Variants in NHSL1 observed in about 807,000 individuals in gnomAD.
NHSL1 encodes the protein NHS like 1.
In NHSL1, 48 loss-of-function variants were observed where a neutral mutation model predicts 95.0. The ratio of observed to expected loss-of-function variants is 0.51; its 90% confidence interval spans 0.40 to 0.64. The LOEUF is 0.64. Ranked by LOEUF, NHSL1 falls within the 30% of genes least tolerant of loss-of-function variation. The probability of loss-of-function intolerance (pLI) is 0.00; values close to 1 mark genes in which losing one functional copy is unlikely to be tolerated. For synonymous variants in NHSL1, 783 were observed against 833.9 expected (o/e 0.94, Z 1.05); for missense variants, 1,971 against 2,077.7 (o/e 0.95, Z 1.00).
intron 1 of NHSL1, among the ~76,000 whole-genome samples, chr6:138,515,446 G>A (rs769081877): frequency 2.0e-5 from 3 of 152,142 alleles, no homozygotes; most frequent in Non-Finnish European, 2.9e-5. Context: ...AGCCTTCTCT[G>A]ACTTTTTAGT....
At chr6:138,672,473 T>A (rs9495199) in intron 1 of NHSL1, among the ~76,000 whole-genome samples, 12,858 of 151,594 alleles carry the variant, frequency 0.085, 682 homozygotes, top group African/African-American at 0.15. Context: ...CAGGAAAAAA[T>A]TTTTTAAAAA....
In NHSL1 at chr6:138,430,581, G is replaced by C. The variant is rs539381043; in HGVS notation, c.3764C>G (p.Ala1255Gly). The change falls in exon 6 of 8, where the codon GCC (alanine) becomes GGC (glycine). Residue 1255 changes from alanine (A) to glycine (G), a missense_variant. This residue lies in a region of NHSL1 where 1,602 missense variants were observed against 1,654.5 expected (regional missense o/e 0.97). Transcript: ENST00000343505. The surrounding 1 kb of genome is among the most constrained non-coding windows in gnomAD (Gnocchi z 4.7). ...ESSAAQAGSH[A>G]THPGTSVLEG... ...AAGAACCGAGGTGCCAGGGTGCGTG[G>C]CATGAGAGCCAGCTTGGGCTGCAGA... The C allele has an allele frequency of 6.4e-7, 1 of 1,550,510 alleles. No homozygotes were observed. Among genetic ancestry groups the C allele is most frequent in the South Asian group, 1.2e-5 (1 of 84,008 alleles).
At chr6:138,569,226 G>A (rs148181737) in intron 1 of NHSL1, among the ~76,000 whole-genome samples, 120 of 151,926 alleles carry the variant, frequency 7.9e-4, no homozygotes, top group African/African-American at 2.8e-3. Flanking sequence ...AGCTGTCACT[G>A]CATGATGGTT....
At chr6:138,552,216 C>CA (rs1783033399) in intron 1 of NHSL1, among the ~76,000 whole-genome samples, 1 of 152,130 alleles carries the variant, frequency 6.6e-6, no homozygotes, top group Admixed American at 6.5e-5. Context: ...GTCAGGAGAT[C>CA]AAGACAATCC....
chr6:138,660,674 G>A (rs1785215668), intron 1 of NHSL1, among the ~76,000 whole-genome samples: 1 of 151,584 alleles, frequency 6.6e-6, no homozygotes, highest in Non-Finnish European at 1.5e-5. Context: ...ACCACCACCA[G>A]GCTGGGCATG....
At chr6:138,442,556 A>G (rs999241109) in intron 4 of NHSL1, among the ~76,000 whole-genome samples, 1 of 152,234 alleles carries the variant, frequency 6.6e-6, no homozygotes, top group Non-Finnish European at 1.5e-5. Context: ...GTGTGATGAA[A>G]TAAGTAACTT....
chr6:138,526,609 C>A (rs977281776), intron 1 of NHSL1, among the ~76,000 whole-genome samples: 2 of 152,186 alleles, frequency 1.3e-5, no homozygotes, highest in African/African-American at 4.8e-5. Flanking sequence ...AAACAAACTC[C>A]AGTGGGTTTG....
intron 1 of NHSL1, among the ~76,000 whole-genome samples, chr6:138,619,555 T>C (rs79200561): frequency 7.6e-4 from 116 of 152,282 alleles, no homozygotes; most frequent in Middle Eastern, 3.4e-3. Context: ...CTGCTAAAGA[T>C]ACCCACAATA....
At chr6:138,686,758 T>C (rs562910751) in intron 1 of NHSL1, among the ~76,000 whole-genome samples, 2 of 152,312 alleles carry the variant, frequency 1.3e-5, no homozygotes, top group Non-Finnish European at 2.9e-5. Flanking sequence ...CCTAATCCAA[T>C]GAGCTTTCTA....
intron 3 of NHSL1, among the ~76,000 whole-genome samples, chr6:138,466,205 AATTTTTTTTGT>A (rs2128239954): frequency 6.6e-6 from 1 of 151,720 alleles, no homozygotes; most frequent in African/African-American, 2.4e-5. Flanking sequence ...ATGCCCAGCC[AATTTTTTTTGT>A]ATTTTTAGTA....
At chr6:138,425,249 G>A (rs116916735) in intron 7 of NHSL1, among the ~76,000 whole-genome samples, 18,183 of 151,926 alleles carry the variant, frequency 0.12, 1,722 homozygotes, top group African/African-American at 0.27. Flanking sequence ...CTGCCACCAT[G>A]CCCAGCCCAG....
intron 1 of NHSL1, among the ~76,000 whole-genome samples, chr6:138,603,433 C>T (rs1784395575): frequency 6.6e-6 from 1 of 152,114 alleles, no homozygotes; most frequent in Non-Finnish European, 1.5e-5. Context: ...GTTTCCCATG[C>T]ATTCCTGGGT....
At chr6:138,610,434 A>C (rs555765618) in intron 1 of NHSL1, among the ~76,000 whole-genome samples, 61 of 151,906 alleles carry the variant, frequency 4.0e-4, no homozygotes, top group Non-Finnish European at 7.9e-4. Context: ...AGATATACCT[A>C]ATGTAAATGA....
At chr6:138,473,907 T>C (rs1017564050) in intron 2 of NHSL1, among the ~76,000 whole-genome samples, 5 of 152,190 alleles carry the variant, frequency 3.3e-5, no homozygotes, top group African/African-American at 1.2e-4. Context: ...AAGTGACACA[T>C]GAGATCATGG....
chr6:138,440,008 T>C (rs925138444), intron 5 of NHSL1, among the ~76,000 whole-genome samples: 2 of 152,178 alleles, frequency 1.3e-5, no homozygotes, highest in African/African-American at 4.8e-5. Context: ...TGATAAAAAT[T>C]TGTAACTCTC....
intron 1 of NHSL1, among the ~76,000 whole-genome samples, chr6:138,564,118 C>T (rs550317395): frequency 6.6e-6 from 1 of 152,086 alleles, no homozygotes; most frequent in East Asian, 1.9e-4. Context: ...TGTGAAGCAA[C>T]AGAAAACACC....
At chr6:138,533,818 C>A (rs983940157) in intron 1 of NHSL1, among the ~76,000 whole-genome samples, 42 of 152,274 alleles carry the variant, frequency 2.8e-4, no homozygotes, top group African/African-American at 9.6e-4. Context: ...TGAGAAGGGC[C>A]AACAGGCAAT....
chr6:138,488,175 T>A (rs1332184517), intron 2 of NHSL1, among the ~76,000 whole-genome samples: 1 of 151,846 alleles, frequency 6.6e-6, no homozygotes, highest in African/African-American at 2.4e-5. Flanking sequence ...CTACTTGGGA[T>A]GCTGCGGCAT....
intron 1 of NHSL1, among the ~76,000 whole-genome samples, chr6:138,601,310 A>G (rs1047943523): frequency 2.0e-5 from 3 of 152,182 alleles, no homozygotes; most frequent in African/African-American, 7.2e-5. Flanking sequence ...CCCAAGCTAA[A>G]CCAACACTTA....
Sources: gnomAD v4.1 joint callset for allele counts (sites outside exome capture counted in the v4.1 genomes callset) on GRCh38, gnomAD v4.1.1 for gene constraint, gnomAD v4.1.1 regional missense constraint, Gnocchi (gnomAD v3.1) non-coding constraint, MANE v1.5 for transcripts, NCBI Gene and HGNC (gene_info 2026-07-23, HGNC 2026-07-21) for gene names.